PKD2L1: variants seen among roughly 807,000 people sequenced by gnomAD.
The protein encoded by PKD2L1 is polycystin-2-like protein 1.
PKD2L1 carries 77 observed loss-of-function variants against 93.0 expected under a neutral mutation model. That is an observed-to-expected ratio of 0.83 (90% CI 0.69 to 1.00). The LOEUF is 1.00. PKD2L1 is among the 50% of genes least tolerant of loss of function. The pLI, the probability that PKD2L1 is intolerant of heterozygous loss-of-function variation, is 0.00. For synonymous variants in PKD2L1, 390 were observed against 388.0 expected (o/e 1.01, Z -0.06); for missense variants, 977 against 990.9 (o/e 0.99, Z 0.19).
Position 100,294,997 on chromosome 10 carries a change from C to T in PKD2L1, c.1483G>A (p.Gly495Ser), listed in dbSNP as rs201123338. Residue 495 changes from glycine (G) to serine (S), a missense_variant, in exon 8 of 16, where the codon GGC (glycine) becomes AGC (serine). Transcript: ENST00000318222. ...ACTTGGGTCCCGAAAAGCAGGTAGC[C>T]GAGTTGGGCATAGGCGAAGAAAACA... ...FIVFFAYAQL[G>S]YLLFGTQVEN... 1.1e-5 allele frequency: 18 copies of T among 1,613,970 alleles called. No homozygotes were observed. Among genetic ancestry groups the T allele is most frequent in the South Asian group, 2.2e-5 (2 of 91,084 alleles).
intron 2 of PKD2L1, among the ~76,000 whole-genome samples, chr10:100,319,169 A>G (rs1005364242): frequency 6.6e-6 from 1 of 152,154 alleles, no homozygotes; most frequent in Non-Finnish European, 1.5e-5. Flanking sequence ...ATATTTTCCT[A>G]ATTTATATCT....
At chr10:100,329,422 CTGCCCTTCCT>C (rs1300363458) in intron 1 of PKD2L1, 98 bp from the exon 2 acceptor site, 1 of 1,530,598 alleles carries the variant, frequency 6.5e-7, no homozygotes, top group East Asian at 2.3e-5. Context: ...CTTTCCACCC[CTGCCCTTCCT>C]TGCCCATCAC....
chr10:100,317,923 A>C (rs996744859), intron 2 of PKD2L1, among the ~76,000 whole-genome samples: 13 of 152,138 alleles, frequency 8.5e-5, no homozygotes, highest in South Asian at 2.1e-4. Flanking sequence ...ACTAAAAAAA[A>C]CCAAAAATTA....
chr10:100,294,862 C>T (rs1848488557), intron 8 of PKD2L1, 80 bp downstream of exon 8: 5 of 1,380,836 alleles, frequency 3.6e-6, no homozygotes, highest in East Asian at 2.4e-5. Context: ...ACGCACGTAC[C>T]CATCTTCCCC....
intron 2 of PKD2L1, among the ~76,000 whole-genome samples, chr10:100,307,325 T>C (rs1455953166): frequency 6.6e-6 from 1 of 152,150 alleles, no homozygotes; most frequent in East Asian, 1.9e-4. Context: ...TCTGCCTCCA[T>C]AGTAGACCGA....
intron 2 of PKD2L1, among the ~76,000 whole-genome samples, chr10:100,304,548 G>A (rs1848755910): frequency 6.6e-6 from 1 of 151,766 alleles, no homozygotes; most frequent in South Asian, 2.1e-4. Context: ...GGCTGGAGTG[G>A]GGTGGCACTA....
chr10:100,291,891 A>G (rs1848414477), intron 11 of PKD2L1, among the ~76,000 whole-genome samples: 1 of 152,018 alleles, frequency 6.6e-6, no homozygotes, highest in Non-Finnish European at 1.5e-5. Flanking sequence ...ATCTCCTGCT[A>G]TGACCACCAC....
In PKD2L1 at chr10:100,330,050, T is replaced by G; in HGVS notation, c.54A>C (p.Gly18=). The G allele has an allele frequency of 6.2e-7, 1 of 1,609,486 alleles. No homozygotes were observed. Among genetic ancestry groups the G allele is most frequent in the Non-Finnish European group, 8.5e-7 (1 of 1,177,050 alleles). Residue 18 remains glycine (G), a synonymous_variant, in exon 1 of 16, where the codon GGA becomes GGC. Transcript: ENST00000318222. ...CACTGTAGGCGGGGTTGTCCCAGGC[T>G]CCACTCCCCAGCTTTTGCAGCTCCT... is the stretch of plus-strand genomic sequence containing the variant. ...EGQELQKLGS[G]AWDNPAYSGP...
intron 2 of PKD2L1, among the ~76,000 whole-genome samples, chr10:100,314,049 G>T (rs1848998078): frequency 6.6e-6 from 1 of 152,076 alleles, no homozygotes; most frequent in Non-Finnish European, 1.5e-5. Context: ...GCCCAGGCTG[G>T]TCTTAAACTC....
intron 2 of PKD2L1, among the ~76,000 whole-genome samples, chr10:100,300,944 G>A (rs1028760004): frequency 3.3e-5 from 5 of 152,044 alleles, no homozygotes; most frequent in Admixed American, 2.0e-4. Flanking sequence ...ACCTGCCCCC[G>A]ATAATTCAAC....
intron 1 of PKD2L1, 153 bp from the exon 2 acceptor site, chr10:100,329,477 C>G: frequency 9.8e-7 from 1 of 1,021,540 alleles, no homozygotes; most frequent in Non-Finnish European, 1.4e-6. Flanking sequence ...ACTGTACCCA[C>G]ACCCATGCTT....
chr10:100,302,047 C>G (rs896135224), intron 2 of PKD2L1, among the ~76,000 whole-genome samples: 5 of 152,170 alleles, frequency 3.3e-5, no homozygotes, highest in African/African-American at 1.2e-4. Context: ...GTTGGTCAGG[C>G]TGGTCTTCAA....
At chr10:100,304,731 G>A (rs542214995) in intron 2 of PKD2L1, among the ~76,000 whole-genome samples, 6 of 152,182 alleles carry the variant, frequency 3.9e-5, no homozygotes, top group South Asian at 2.1e-4. Flanking sequence ...GCTGACCTCC[G>A]CTGTTAGCCT....
intron 2 of PKD2L1, among the ~76,000 whole-genome samples, chr10:100,305,838 G>A (rs555285276): frequency 1.3e-5 from 2 of 152,180 alleles, no homozygotes; most frequent in East Asian, 3.9e-4. Flanking sequence ...TTAACCCACC[G>A]ATGATAAGCA....
Position 100,289,999 on chromosome 10 carries a change from G to A in PKD2L1, c.2250+16C>T, listed in dbSNP as rs748111922. ...AGCTGTGAGGAACTAGGAGGACCAG[G>A]TGAAGGGCCACTCACCACGCCTGGG... is the stretch of plus-strand genomic sequence containing the variant. On this transcript the variant is annotated intron_variant, in intron 14 of 15. Transcript: ENST00000318222. The A allele has an allele frequency of 6.2e-7, 1 of 1,614,092 alleles. No individual in the cohort carries two copies. The highest frequency in any genetic ancestry group is 8.5e-7 in the Non-Finnish European group (1 of 1,179,966).
At chr10:100,317,821 C>T (rs1055740628) in intron 2 of PKD2L1, among the ~76,000 whole-genome samples, 4 of 152,146 alleles carry the variant, frequency 2.6e-5, no homozygotes, top group African/African-American at 4.8e-5. Context: ...TGCCTCACAC[C>T]TGTAATCCCA....
Position 100,315,142 on chromosome 10 carries a change from A to G in PKD2L1, c.349+14069T>C, listed in dbSNP as rs552051944. Among the ~76,000 whole-genome samples the G allele has an allele frequency of 2.1e-4, 31 of 150,900 alleles. 6 individuals carry two copies. The highest frequency in any genetic ancestry group is 3.8e-4 in the Non-Finnish European group (26 of 67,836). On this transcript the variant is annotated intron_variant, in intron 2 of 15. Transcript: ENST00000318222. ...AAGAGAAAACAGTTGAAATGATTAT[A>G]TACCAAACTAGGAACAGTGATTACT... is the stretch of plus-strand genomic sequence containing the variant.
At chr10:100,293,417 G>T in intron 9 of PKD2L1, 38 bp from the exon 10 acceptor site, 1 of 1,314,516 alleles carries the variant, frequency 7.6e-7, no homozygotes, top group South Asian at 1.2e-5. Flanking sequence ...CTCACCCCCA[G>T]ACCCACTGAA....
At chr10:100,321,685 A>G (rs1223655314) in intron 2 of PKD2L1, among the ~76,000 whole-genome samples, 3 of 1,194 alleles carry the variant, frequency 2.5e-3, no homozygotes, top group African/African-American at 7.4e-3. Flanking sequence ...GAAAGAAAGA[A>G]AGAAAGAAAG....
Sources: gnomAD v4.1 joint callset for allele counts (sites outside exome capture counted in the v4.1 genomes callset) on GRCh38, gnomAD v4.1.1 for gene constraint, MANE v1.5 for transcripts, NCBI Gene and HGNC (gene_info 2026-07-23, HGNC 2026-07-21) for gene names.